OR6N1: variants seen among roughly 807,000 people sequenced by gnomAD.
OR6N1 encodes olfactory receptor 6N1.
For synonymous variants in OR6N1, 170 were observed against 150.7 expected (o/e 1.13, Z -0.94); for missense variants, 394 against 371.7 (o/e 1.06, Z -0.49).
At chr1:158,788,389 G>A in the OR6N1 span, among the ~76,000 whole-genome samples, 1 of 152,062 alleles carries the variant, frequency 6.6e-6, no homozygotes, top group Non-Finnish European at 1.5e-5. Context: ...AAACTTTCAT[G>A]TTTGTCATCA....
At chr1:158,817,604 G>A in the OR6N1 span, among the ~76,000 whole-genome samples, 1 of 152,236 alleles carries the variant, frequency 6.6e-6, no homozygotes, top group African/African-American at 2.4e-5. Flanking sequence ...AACTGAGTGT[G>A]CTCCTTGCTA....
In OR6N1 at chr1:158,765,923, T is replaced by A. The variant is rs1274335534; in HGVS notation, c.760A>T (p.Ser254Cys). 2 of 1,614,012 alleles carry A rather than the reference T, an allele frequency of 1.2e-6. No individual in the cohort carries two copies. The highest frequency in any genetic ancestry group is 1.7e-6 in the Non-Finnish European group (2 of 1,180,012). ...AGCTGCACATACATGGAAAGGATGC[T>A]CCCATAGAAGATGAGAACCACAGTG... ...HFTVVLIFYGSILSMYVQLKK... is the reference protein window; with the variant it reads ...HFTVVLIFYGCILSMYVQLKK... Residue 254 changes from serine to cysteine, a missense_variant, in exon 2 of 2, where the codon AGC becomes TGC. By Grantham distance (112) the Ser-to-Cys change is moderately radical. Coordinates refer to ENST00000641846, the MANE Select transcript of OR6N1 (RefSeq NM_001005185.2).
chr1:158,796,301 T>C, the OR6N1 span: 1 of 152,262 alleles, frequency 6.6e-6, no homozygotes, highest in African/African-American at 2.4e-5. Context: ...AGTTATCTTT[T>C]TGTTAAGCTT....
the OR6N1 span, among the ~76,000 whole-genome samples, chr1:158,817,688 G>A: frequency 5.3e-5 from 8 of 152,218 alleles, no homozygotes; most frequent in African/African-American, 1.7e-4. Flanking sequence ...ATGCCTACCT[G>A]TGGAAGGCAT....
the OR6N1 span, among the ~76,000 whole-genome samples, chr1:158,779,929 G>A: frequency 6.6e-6 from 1 of 152,308 alleles, no homozygotes; most frequent in East Asian, 1.9e-4. Flanking sequence ...GAGAGCAAAT[G>A]TAGTACTTCA....
At chr1:158,833,582 C>A in the OR6N1 span, among the ~76,000 whole-genome samples, 1 of 152,130 alleles carries the variant, frequency 6.6e-6, no homozygotes, top group Non-Finnish European at 1.5e-5. Context: ...ATACAGTAAG[C>A]GTGTGCTTTT....
At chr1:158,795,101 C>T in the OR6N1 span, among the ~76,000 whole-genome samples, 4 of 152,184 alleles carry the variant, frequency 2.6e-5, no homozygotes, top group African/African-American at 9.7e-5. Context: ...GAGGGCAGTT[C>T]CCTGGCTGCT....
At chr1:158,839,964 CA>C in the OR6N1 span, among the ~76,000 whole-genome samples, 1 of 152,096 alleles carries the variant, frequency 6.6e-6, no homozygotes, top group Non-Finnish European at 1.5e-5. Context: ...TGACCAGATA[CA>C]AAATTTTAGT....
At chr1:158,778,505 G>A in the OR6N1 span, among the ~76,000 whole-genome samples, 1 of 152,208 alleles carries the variant, frequency 6.6e-6, no homozygotes, top group South Asian at 2.1e-4. Flanking sequence ...TAACCAAACT[G>A]GGAAAGCTCA....
Position 158,766,732 on chromosome 1 carries a change from A to C in OR6N1, c.-18-32T>G, listed in dbSNP as rs780693911. The C allele has an allele frequency of 2.2e-6, 3 of 1,386,510 alleles. No homozygotes were observed. The African/African-American group carries it at 4.3e-5, about 20-fold the overall frequency. 85.9% of individuals were successfully genotyped at this position (1,386,510 alleles called of 1,614,324 possible). ...GTGAAGTGTGGAAGGATAGGAAAGA[A>C]AGTTGAACTATAGGGTTCTAACAAG... On this transcript the variant is annotated intron_variant, in intron 1 of 1. Transcript: ENST00000641846.
At chr1:158,831,535 T>C in the OR6N1 span, 1 of 152,192 alleles carries the variant, frequency 6.6e-6, no homozygotes, top group Non-Finnish European at 1.5e-5. Flanking sequence ...CTGAAGACTA[T>C]TGTGGAAGAA....
At chr1:158,792,192 T>C in the OR6N1 span, among the ~76,000 whole-genome samples, 1 of 152,250 alleles carries the variant, frequency 6.6e-6, no homozygotes, top group East Asian at 1.9e-4. Flanking sequence ...AAGTCTGTTA[T>C]ACCTGATGTA....
At chr1:158,779,477 C>T in the OR6N1 span, among the ~76,000 whole-genome samples, 1 of 152,336 alleles carries the variant, frequency 6.6e-6, no homozygotes, top group South Asian at 2.1e-4. Flanking sequence ...CAATACTTTC[C>T]TTGCAACTCT....
Position 158,766,064 on chromosome 1 carries a change from T to A in OR6N1, c.619A>T (p.Ile207Phe). The change falls in exon 2 of 2, where the codon ATC (isoleucine) becomes TTC (phenylalanine). Residue 207 changes from isoleucine to phenylalanine, a missense_variant. Coordinates refer to ENST00000641846, the MANE Select transcript of OR6N1 (RefSeq NM_001005185.2). ...AGGATCAGCAGGAAGGTGGCTAGGA[T>A]CTTGCAGGAATTTATAACAAAATCT... is the stretch of plus-strand genomic sequence containing the variant. ...LVDFVINSCK[I>F]LATFLLILCS... 5 of 1,614,168 alleles carry A rather than the reference T, an allele frequency of 3.1e-6. No homozygotes were observed. The highest frequency in any genetic ancestry group is 4.2e-6 in the Non-Finnish European group (5 of 1,180,022).
the OR6N1 span, among the ~76,000 whole-genome samples, chr1:158,791,469 A>ATTTTT: frequency 7.9e-6 from 1 of 127,354 alleles, no homozygotes. Context: ...TATGATTTTG[A>ATTTTT]TTTTTTTTTT....
chr1:158,768,490 G>A (rs991028931), intron 1 of OR6N1, among the ~76,000 whole-genome samples: 5 of 151,998 alleles, frequency 3.3e-5, no homozygotes, highest in African/African-American at 9.7e-5. Context: ...TGACCACCTC[G>A]GTCCAAGTCA....
chr1:158,814,148 T>C, the OR6N1 span, among the ~76,000 whole-genome samples: 23 of 152,236 alleles, frequency 1.5e-4, no homozygotes, highest in Admixed American at 9.8e-4. Flanking sequence ...CTTAAAATTA[T>C]TGGGGCTTCA....
At chr1:158,822,286 C>T in the OR6N1 span, among the ~76,000 whole-genome samples, 1 of 152,072 alleles carries the variant, frequency 6.6e-6, no homozygotes, top group Non-Finnish European at 1.5e-5. Flanking sequence ...TTGTAACTTG[C>T]TTTAGGCAGT....
intron 1 of OR6N1, 47 bp from the exon 2 acceptor site, chr1:158,766,747 G>A: frequency 8.0e-7 from 1 of 1,245,810 alleles, no homozygotes; most frequent in Non-Finnish European, 1.1e-6. Context: ...GAACTATAGG[G>A]TTCTAACAAG....
Sources: gnomAD v4.1 joint callset for allele counts (sites outside exome capture counted in the v4.1 genomes callset) on GRCh38, gnomAD v4.1.1 for gene constraint, MANE v1.5 for transcripts, NCBI Gene and HGNC (gene_info 2026-07-23, HGNC 2026-07-21) for gene names.